Variants in CCDC178 observed in about 807,000 individuals in gnomAD.
CCDC178 encodes coiled-coil domain containing 178.
A neutral mutation model predicts 117.4 loss-of-function variants in CCDC178; 126 were observed. The ratio of observed to expected loss-of-function variants is 1.07; its 90% CI spans 0.93 to 1.24. The LOEUF (loss-of-function observed/expected upper bound fraction) is 1.24. Among genes scored for constraint, CCDC178 ranks in the 50% most tolerant of loss-of-function variants. The probability of loss-of-function intolerance (pLI) is 0.00; values close to 1 mark genes in which losing one functional copy is unlikely to be tolerated. For missense variants in CCDC178, 1,030 were observed against 986.9 expected (o/e 1.04, Z -0.59); for synonymous variants, 283 against 313.4 (o/e 0.90, Z 1.02).
chr18:33,428,449 G>A (rs936909902), intron 2 of CCDC178, among the ~76,000 whole-genome samples: 2 of 151,940 alleles, frequency 1.3e-5, no homozygotes, highest in East Asian at 1.9e-4. Context: ...GTGCAGAGTC[G>A]GATTTAGCCC....
intron 20 of CCDC178, among the ~76,000 whole-genome samples, chr18:33,206,832 C>T (rs905854472): frequency 2.0e-5 from 3 of 152,166 alleles, no homozygotes; most frequent in Non-Finnish European, 4.4e-5. Context: ...TAATGTCTTC[C>T]TCCAAGGTAA....
chr18:33,150,658 GA>G (rs1347338131), intron 20 of CCDC178, among the ~76,000 whole-genome samples: 2 of 152,100 alleles, frequency 1.3e-5, no homozygotes, highest in Non-Finnish European at 2.9e-5. Context: ...TGGATGTGGT[GA>G]AAAGGGAACA....
At chr18:33,331,481 G>A (rs2062668364) in intron 10 of CCDC178, among the ~76,000 whole-genome samples, 1 of 151,850 alleles carries the variant, frequency 6.6e-6, no homozygotes, top group South Asian at 2.1e-4. Flanking sequence ...TAGCTTATTT[G>A]GCATTTTCTA....
intron 21 of CCDC178, chr18:32,983,211 G>A: frequency 1.1e-6 from 1 of 875,156 alleles, no homozygotes; most frequent in African/African-American, 1.7e-5. Context: ...GACAATGTGT[G>A]ACACTTGTTA....
At chr18:33,391,444 C>T (rs995667419) in intron 4 of CCDC178, among the ~76,000 whole-genome samples, 2 of 151,758 alleles carry the variant, frequency 1.3e-5, no homozygotes, top group South Asian at 4.2e-4. Context: ...GTGATGAGTA[C>T]AATAAGGTAA....
At chr18:32,981,109 A>G (rs911564215) in intron 21 of CCDC178, among the ~76,000 whole-genome samples, 20 of 152,206 alleles carry the variant, frequency 1.3e-4, no homozygotes, top group Non-Finnish European at 2.8e-4. Context: ...TTGGGAGGCC[A>G]AGCCAAAGAG....
intron 22 of CCDC178, chr18:32,954,630 G>T (rs1402276925): frequency 1.3e-5 from 2 of 152,110 alleles, no homozygotes; most frequent in African/African-American, 2.4e-5. Context: ...TCTCTTTTAT[G>T]AGATAAGAGA....
At chr18:32,990,153 T>C (rs1216357785) in intron 21 of CCDC178, among the ~76,000 whole-genome samples, 3 of 152,140 alleles carry the variant, frequency 2.0e-5, no homozygotes, top group African/African-American at 2.4e-5. Flanking sequence ...TAAGGAACCA[T>C]GGCCATGCCT....
At chr18:33,119,705 C>A (rs1252154199) in intron 20 of CCDC178, among the ~76,000 whole-genome samples, 12 of 152,050 alleles carry the variant, frequency 7.9e-5, no homozygotes, top group Admixed American at 3.3e-4. Flanking sequence ...AAAGGATTAT[C>A]AATCATGCTG....
intron 20 of CCDC178, among the ~76,000 whole-genome samples, chr18:33,182,581 T>C (rs2058744392): frequency 6.6e-6 from 1 of 151,954 alleles, no homozygotes; most frequent in African/African-American, 2.4e-5. Flanking sequence ...CATAAGCTAA[T>C]ACATTTTTCA....
chr18:33,087,856 T>C (rs1477632765), intron 21 of CCDC178, among the ~76,000 whole-genome samples: 1 of 152,158 alleles, frequency 6.6e-6, no homozygotes, highest in Non-Finnish European at 1.5e-5. Context: ...AAATAATTAA[T>C]TGTTTATTGC....
chr18:33,107,044 C>A (rs909937631), intron 20 of CCDC178, among the ~76,000 whole-genome samples: 10 of 151,630 alleles, frequency 6.6e-5, no homozygotes, highest in Admixed American at 2.0e-4. Flanking sequence ...CTTCCCTGAG[C>A]CCTCAGAAGG....
At chr18:33,249,159 G>A (rs1199580979) in intron 14 of CCDC178, among the ~76,000 whole-genome samples, 1 of 152,028 alleles carries the variant, frequency 6.6e-6, no homozygotes, top group Non-Finnish European at 1.5e-5. Flanking sequence ...TGTAGATTCT[G>A]GATATTAGCC....
At chr18:33,185,997 C>T (rs1465611624) in intron 20 of CCDC178, among the ~76,000 whole-genome samples, 1 of 152,050 alleles carries the variant, frequency 6.6e-6, no homozygotes, top group Non-Finnish European at 1.5e-5. Flanking sequence ...TTACAGAGTT[C>T]ATCTTTCATC....
chr18:33,024,598 T>C (rs1345723013), intron 21 of CCDC178, among the ~76,000 whole-genome samples: 4 of 152,140 alleles, frequency 2.6e-5, no homozygotes, highest in African/African-American at 7.2e-5. Context: ...TGACACACTT[T>C]ATAACATATT....
At chr18:33,003,909 A>C (rs1219497007) in intron 21 of CCDC178, among the ~76,000 whole-genome samples, 1 of 152,144 alleles carries the variant, frequency 6.6e-6, no homozygotes, top group African/African-American at 2.4e-5. Context: ...AAAGAAATCA[A>C]GAAAGTAATC....
At chr18:33,145,865 C>G (rs1247681346) in intron 20 of CCDC178, among the ~76,000 whole-genome samples, 1 of 152,092 alleles carries the variant, frequency 6.6e-6, no homozygotes, top group Non-Finnish European at 1.5e-5. Flanking sequence ...AACCAGTGGA[C>G]TTCTGTGGAT....
At chr18:33,382,699 G>C (rs920804620) in intron 5 of CCDC178, among the ~76,000 whole-genome samples, 2 of 151,982 alleles carry the variant, frequency 1.3e-5, no homozygotes, top group Non-Finnish European at 2.9e-5. Context: ...AGATTCCCCC[G>C]TGAGCCTACA....
Position 32,938,072 on chromosome 18 carries a change from A to C in CCDC178, c.2543T>G (p.Met848Arg), listed in dbSNP as rs1238035457. ...CTGGAAGAAACCTAAGATGTGTTGC[A>C]TTAAATTTGAAGATTCCTCCTGTTC... ...LAVQEESSNL[M>R]QHILGFFQTL... The change falls in exon 23 of 23, where the codon ATG (methionine) becomes AGG (arginine). Residue 848 changes from methionine (M) to arginine (R), a missense_variant. Coordinates refer to ENST00000383096, the MANE Select transcript of CCDC178 (RefSeq NM_001105528.4). The C allele has an allele frequency of 6.2e-7, 1 of 1,613,636 alleles. No homozygotes were observed.
Sources: allele counts gnomAD v4.1 joint callset (sites outside exome capture counted in the v4.1 genomes callset), GRCh38; gene constraint gnomAD v4.1.1; transcripts MANE v1.5; gene names NCBI Gene and HGNC (gene_info 2026-07-23, HGNC 2026-07-21).